Variants in TCERG1 observed in about 807,000 individuals in gnomAD.
TCERG1 encodes transcription elongation regulator 1, also known as TATA box binding protein (TBP)-associated factor, RNA polymerase II, S, 150kD.
A neutral mutation model predicts 144.7 loss-of-function variants in TCERG1; 37 were observed. The observed-to-expected ratio is 0.26, with a 90% confidence interval of 0.20 to 0.34. TCERG1 has a LOEUF of 0.34. Ranked by LOEUF, TCERG1 falls within the 10% of genes least tolerant of loss-of-function variation. The pLI, the probability that TCERG1 is intolerant of heterozygous loss-of-function variation, is 1.00. For synonymous variants in TCERG1, 492 were observed against 458.2 expected (o/e 1.07, Z -0.94); for missense variants, 1,027 against 1,380.7 (o/e 0.74, Z 4.06).
At chr5:146,477,920 C>G (rs1765004552) in intron 9 of TCERG1, among the ~76,000 whole-genome samples, 1 of 151,986 alleles carries the variant, frequency 6.6e-6, no homozygotes, top group South Asian at 2.1e-4. Context: ...CCAGGCTGGT[C>G]TCAAACTCCT....
At chr5:146,486,400 T>C (rs909397717) in intron 15 of TCERG1, among the ~76,000 whole-genome samples, 1 of 152,252 alleles carries the variant, frequency 6.6e-6, no homozygotes, top group African/African-American at 2.4e-5. Flanking sequence ...GGGTCTGAAA[T>C]GTTTTTGTTT....
chr5:146,478,842 T>C (rs1167249229), intron 10 of TCERG1, among the ~76,000 whole-genome samples, 189 bp downstream of exon 10: 1 of 152,188 alleles, frequency 6.6e-6, no homozygotes, highest in African/African-American at 2.4e-5. Flanking sequence ...TTGGATAAGA[T>C]TGTGCTTTGT....
intron 16 of TCERG1, among the ~76,000 whole-genome samples, chr5:146,497,431 G>A (rs1014521544): frequency 6.6e-6 from 1 of 152,176 alleles, no homozygotes; most frequent in African/African-American, 2.4e-5. Context: ...GCATGCATGA[G>A]CCACTGCACC....
At chr5:146,473,996 A>G (rs1316901815) in intron 9 of TCERG1, among the ~76,000 whole-genome samples, 9 of 152,058 alleles carry the variant, frequency 5.9e-5, no homozygotes, top group South Asian at 4.1e-4. Context: ...TAGCTGCCAT[A>G]GATTGTGATT....
chr5:146,486,089 CG>C (rs370163778), intron 15 of TCERG1, among the ~76,000 whole-genome samples: 9 of 152,136 alleles, frequency 5.9e-5, no homozygotes, highest in Admixed American at 5.9e-4. Context: ...AAAATAAACA[CG>C]TTTTTTGAAT....
chr5:146,475,262 A>G (rs1314001168), intron 9 of TCERG1, among the ~76,000 whole-genome samples: 1 of 152,252 alleles, frequency 6.6e-6, no homozygotes, highest in Non-Finnish European at 1.5e-5. Flanking sequence ...TCCTACAGAC[A>G]GGCAAGCAGG....
In TCERG1 at chr5:146,474,274, A is replaced by T. The variant is rs1248265050; in HGVS notation, c.1601+2698A>T. Among the ~76,000 whole-genome samples the T allele has an allele frequency of 2.6e-5, 4 of 152,168 alleles. No individual in the cohort carries two copies. The East Asian group carries it at 7.7e-4, about 29-fold the overall frequency. ...ACTTCAGTGAAGGAAGTCACTGCAG[A>T]TGTGATGGAAATAGCAAGAGAACTA... On this transcript the variant is annotated intron_variant, in intron 9 of 22. Transcript: ENST00000679501.
intron 19 of TCERG1, among the ~76,000 whole-genome samples, chr5:146,506,014 T>G (rs1429252443): frequency 1.3e-5 from 2 of 152,162 alleles, no homozygotes; most frequent in African/African-American, 4.8e-5. Context: ...TGACCTCAGG[T>G]GATCCACCCA....
In TCERG1 at chr5:146,451,497, A is replaced by G. The variant is rs868111708; in HGVS notation, c.60-3559A>G. ...ACCACCACACCCGGCTAATTTCTGTATTTTTAGTAGAGTGGGGGTTTCACT... is the reference window on the plus strand; with the variant it reads ...ACCACCACACCCGGCTAATTTCTGTGTTTTTAGTAGAGTGGGGGTTTCACT... On this transcript the variant is annotated intron_variant, in intron 1 of 22. Coordinates refer to ENST00000679501, the MANE Select transcript of TCERG1 (RefSeq NM_001382548.1). 4.6e-5 allele frequency among the ~76,000 whole-genome samples: 7 copies of G among 151,478 alleles called. No homozygotes were observed. In the South Asian group the frequency reaches 1.5e-3, roughly 32 times the overall value.
intron 19 of TCERG1, 171 bp downstream of exon 19, chr5:146,504,177 A>T (rs902921244): frequency 2.0e-5 from 12 of 601,312 alleles, no homozygotes; most frequent in East Asian, 3.5e-5. Flanking sequence ...ATAGGAAAAA[A>T]CCCAAGTTAT....
At chr5:146,497,242 G>A (rs1269389677) in intron 16 of TCERG1, among the ~76,000 whole-genome samples, 1 of 151,998 alleles carries the variant, frequency 6.6e-6, no homozygotes, top group East Asian at 1.9e-4. Context: ...GCACGATCTC[G>A]GCTCTACAGC....
chr5:146,454,946 C>T (rs770284335), intron 1 of TCERG1, 110 bp from the exon 2 acceptor site: 81 of 1,187,300 alleles, frequency 6.8e-5, no homozygotes, highest in Non-Finnish European at 8.5e-5. Flanking sequence ...GACTTTCCAA[C>T]TCCACTTAGA....
At chr5:146,474,877 G>A (rs1764688897) in intron 9 of TCERG1, among the ~76,000 whole-genome samples, 1 of 152,138 alleles carries the variant, frequency 6.6e-6, no homozygotes, top group Non-Finnish European at 1.5e-5. Flanking sequence ...TATAACTTTT[G>A]TATATGGTGG....
intron 13 of TCERG1, chr5:146,481,891 C>T (rs1765395530): frequency 6.6e-6 from 1 of 152,054 alleles, no homozygotes; most frequent in Admixed American, 6.6e-5. Context: ...TTTGGAGGAA[C>T]AAGAAGTAGT....
At chr5:146,506,938 A>C in intron 19 of TCERG1, 90 bp from the exon 20 acceptor site, 1 of 1,096,554 alleles carries the variant, frequency 9.1e-7, no homozygotes, top group Non-Finnish European at 1.3e-6. Flanking sequence ...TATCTTGGCT[A>C]TTGTGAATAA....
rs1764107514 is a variant in TCERG1 at position 146,469,620 on chromosome 5, C to T, written c.1275C>T (p.Thr425=). Residue 425 remains threonine (T), a synonymous_variant, in exon 7 of 23, where the codon ACC becomes ACT. Transcript: ENST00000679501. ...TTGCTATTGCAGCTTCACCTGCTAC[C>T]TTAGCTGGAGCAACAGCAGTTTCTG... ...PQVAIAASPA[T]LAGATAVSEW... 1 of 1,613,420 alleles carries T rather than the reference C, an allele frequency of 6.2e-7. No individual in the cohort carries two copies. Among genetic ancestry groups the T allele is most frequent in the Admixed American group, 1.7e-5 (1 of 59,956 alleles).
Position 146,507,721 on chromosome 5 carries a change from C to CTGCTTCCCTGTCCCT in TCERG1, c.2962-152_2962-151insTGCTTCCCTGTCCCT. On this transcript the variant is annotated intron_variant, in intron 20 of 22. Transcript: ENST00000679501. The surrounding 1 kb of genome is among the most constrained non-coding windows in gnomAD (Gnocchi z 4.6). Reference sequence around the variant, plus strand: ...AGCCAACAAAAAGAAATTGCATTAACGCTGCTTCCCTGTCCCTAACTAGTC... The same window carrying CTGCTTCCCTGTCCCT: ...AGCCAACAAAAAGAAATTGCATTAACTGCTTCCCTGTCCCTGCTGCTTCCCTGTCCCTAACTAGTC... 2.0e-6 allele frequency: 1 copy of CTGCTTCCCTGTCCCT among 495,360 alleles called. No individual in the cohort carries two copies. Among genetic ancestry groups the CTGCTTCCCTGTCCCT allele is most frequent in the Non-Finnish European group, 3.5e-6 (1 of 285,906 alleles). The allele number at this position is 495,360 out of a possible 1,614,324, so 30.7% of individuals were successfully genotyped here. A position where few individuals can be genotyped will look rare whatever the true frequency, so the allele number is the denominator to read the frequency against.
At chr5:146,503,334 A>T (rs768930119) in intron 17 of TCERG1, 41 bp from the exon 18 acceptor site, 2 of 1,583,872 alleles carry the variant, frequency 1.3e-6, no homozygotes, top group East Asian at 4.5e-5. Context: ...CTCATGGTAC[A>T]TTATTTTCCC....
chr5:146,458,824 C>A, intron 3 of TCERG1, 60 bp from the exon 4 acceptor site: 2 of 1,541,292 alleles, frequency 1.3e-6, no homozygotes, highest in South Asian at 2.5e-5. Flanking sequence ...TGGTTCCATT[C>A]TTGTTTTTAA....
Sources: allele counts gnomAD v4.1 joint callset (sites outside exome capture counted in the v4.1 genomes callset), GRCh38; gene constraint gnomAD v4.1.1; non-coding constraint Gnocchi (gnomAD v3.1); transcripts MANE v1.5; gene names NCBI Gene and HGNC (gene_info 2026-07-23, HGNC 2026-07-21).